Variants in ZNF644 observed in about 807,000 individuals in gnomAD.
The protein encoded by ZNF644 is zinc finger motif enhancer binding protein 2.
Under a neutral mutation model 108.0 loss-of-function variants are expected in ZNF644, and 20 were observed. That is an observed-to-expected ratio of 0.19 (90% CI 0.13 to 0.27). ZNF644 has a LOEUF of 0.27. Ranked by LOEUF, ZNF644 falls within the 10% of genes least tolerant of loss-of-function variation. The pLI, the probability that ZNF644 is intolerant of heterozygous loss-of-function variation, is 1.00. For synonymous variants in ZNF644, 542 were observed against 539.1 expected (o/e 1.01, Z -0.08); for missense variants, 1,338 against 1,548.9 (o/e 0.86, Z 2.29).
At chr1:90,928,376 G>A (rs1456024906) in intron 4 of ZNF644, among the ~76,000 whole-genome samples, 1 of 146,322 alleles carries the variant, frequency 6.8e-6, no homozygotes, top group African/African-American at 2.6e-5. Context: ...GGAATGCAAT[G>A]GCACAATCTC....
intron 2 of ZNF644, among the ~76,000 whole-genome samples, chr1:90,944,655 C>A (rs772731121): frequency 1.1e-4 from 17 of 151,778 alleles, no homozygotes; most frequent in Non-Finnish European, 1.8e-4. Context: ...CAAATCTATA[C>A]TGTCCATTTT....
At chr1:90,936,243 C>T (rs988641223) in intron 4 of ZNF644, among the ~76,000 whole-genome samples, 14 of 152,150 alleles carry the variant, frequency 9.2e-5, no homozygotes, top group Admixed American at 7.9e-4. Flanking sequence ...TCCTCACTCC[C>T]CCAACACATT....
chr1:91,021,769 C>T, intron 1 of ZNF644: 1 of 354,610 alleles, frequency 2.8e-6, no homozygotes, highest in Non-Finnish European at 5.0e-6. Flanking sequence ...GTAGCACCAA[C>T]TCCGCCTCCT....
At chr1:90,998,932 G>C (rs1658467955) in intron 1 of ZNF644, among the ~76,000 whole-genome samples, 1 of 152,142 alleles carries the variant, frequency 6.6e-6, no homozygotes, top group Non-Finnish European at 1.5e-5. Flanking sequence ...CTGATCAACT[G>C]GAAGAAAGGG....
intron 1 of ZNF644, among the ~76,000 whole-genome samples, chr1:91,003,232 G>A (rs1238714413): frequency 6.6e-5 from 10 of 151,968 alleles, no homozygotes; most frequent in African/African-American, 9.7e-5. Flanking sequence ...ACATGCACAC[G>A]TATGTTTATT....
intron 2 of ZNF644, among the ~76,000 whole-genome samples, chr1:90,955,402 A>G (rs894421919): frequency 2.0e-5 from 3 of 152,342 alleles, no homozygotes; most frequent in African/African-American, 7.2e-5. Flanking sequence ...TTCTCTAGCT[A>G]TGAAAGTGCT....
intron 5 of ZNF644, among the ~76,000 whole-genome samples, chr1:90,917,761 G>C (rs868172564): frequency 6.6e-6 from 1 of 152,186 alleles, no homozygotes; most frequent in Non-Finnish European, 1.5e-5. Context: ...GCCACCCAAA[G>C]TGCTGGAATT....
chr1:90,986,854 T>C (rs1486003151), intron 1 of ZNF644, among the ~76,000 whole-genome samples: 1 of 151,640 alleles, frequency 6.6e-6, no homozygotes, highest in Non-Finnish European at 1.5e-5. Flanking sequence ...GAAATGAAAC[T>C]AAACACCAAT....
intron 1 of ZNF644, among the ~76,000 whole-genome samples, chr1:90,997,307 T>C (rs1658242337): frequency 6.6e-6 from 1 of 152,158 alleles, no homozygotes; most frequent in African/African-American, 2.4e-5. Context: ...ACACATAACT[T>C]CAACAAAAAG....
In ZNF644 at chr1:90,937,779, G is replaced by C. The variant is rs764751742; in HGVS notation, c.3394C>G (p.Leu1132Val). 6.2e-7 allele frequency: 1 copy of C among 1,613,838 alleles called. No individual in the cohort carries two copies. Among genetic ancestry groups the C allele is most frequent in the South Asian group, 1.1e-5 (1 of 91,078 alleles). The change falls in exon 4 of 6, where the codon CTA becomes GTA. Residue 1132 changes from leucine to valine, a missense_variant. Around this residue, in one of 6 missense-constraint regions of ZNF644, gnomAD observed 287 missense variants for 310.9 expected, o/e 0.92. Transcript: ENST00000337393. ...VIPLEAYRNG[L>V]KTEALSVSAS... ...GACACTGACAGAGCTTCAGTCTTTA[G>C]GCCATTACGGTATGCTTCAAGAGGT...
chr1:91,021,954 C>G (rs1397332258), intron 1 of ZNF644, 36 bp downstream of exon 1: 5 of 398,704 alleles, frequency 1.3e-5, no homozygotes, highest in Non-Finnish European at 2.2e-5. Flanking sequence ...CCACTCGGGT[C>G]CCAGCGAATC....
chr1:91,007,219 C>CGT (rs1557658445), intron 1 of ZNF644, among the ~76,000 whole-genome samples: 6 of 114,294 alleles, frequency 5.2e-5, no homozygotes, highest in Middle Eastern at 5.3e-3. Flanking sequence ...CATTTTCTCC[C>CGT]ATTTTGTTTT....
intron 2 of ZNF644, among the ~76,000 whole-genome samples, chr1:90,963,953 T>A (rs1038714568): frequency 6.6e-6 from 1 of 152,172 alleles, no homozygotes; most frequent in Non-Finnish European, 1.5e-5. Context: ...CAGAGCACCA[T>A]CTTTTATAGC....
intron 1 of ZNF644, chr1:91,021,215 AAGCTTT>A (rs1416801774): frequency 6.6e-6 from 1 of 152,326 alleles, no homozygotes; most frequent in Non-Finnish European, 1.5e-5. Context: ...GAGAGGCAAA[AAGCTTT>A]AGCTGGACAC....
intron 1 of ZNF644, among the ~76,000 whole-genome samples, chr1:90,983,095 C>G (rs1435192096): frequency 6.6e-6 from 1 of 152,094 alleles, no homozygotes; most frequent in East Asian, 1.9e-4. Flanking sequence ...CTCCTCCTCC[C>G]CATACCTGAA....
At chr1:90,971,204 C>T (rs1655433161) in intron 2 of ZNF644, among the ~76,000 whole-genome samples, 1 of 138,196 alleles carries the variant, frequency 7.2e-6, no homozygotes, top group Admixed American at 7.6e-5. Context: ...AGATTTATTT[C>T]TGGAATCCAA....
chr1:90,963,520 A>T (rs1020974656), intron 2 of ZNF644, among the ~76,000 whole-genome samples: 1 of 152,158 alleles, frequency 6.6e-6, no homozygotes, highest in Non-Finnish European at 1.5e-5. Flanking sequence ...ATGCACCAAG[A>T]AACATGTACA....
At chr1:91,008,106 G>T (rs1401915968) in intron 1 of ZNF644, among the ~76,000 whole-genome samples, 1 of 152,158 alleles carries the variant, frequency 6.6e-6, no homozygotes, top group Non-Finnish European at 1.5e-5. Flanking sequence ...AAAAGAGACT[G>T]GGAATAACTC....
Position 90,925,206 on chromosome 1 carries a change from G to C in ZNF644, c.3689-7052C>G, listed in dbSNP as rs377611230. On this transcript the variant is annotated intron_variant, in intron 4 of 5. Coordinates refer to ENST00000337393, the MANE Select transcript of ZNF644 (RefSeq NM_201269.3). The stretch of plus-strand genomic sequence containing the variant: ...CACTTGACTCTCATGCCCCCCACTG[G>C]GGGGAGGGCAATTGTTTAAACTAGG... Among the ~76,000 whole-genome samples, 235 of 152,268 alleles carry C rather than the reference G, an allele frequency of 1.5e-3. 4 individuals are homozygous for C. The highest frequency in any genetic ancestry group is 0.01 in the Middle Eastern group (3 of 292).
Sources: allele counts gnomAD v4.1 joint callset (sites outside exome capture counted in the v4.1 genomes callset), GRCh38; gene constraint gnomAD v4.1.1; regional missense constraint gnomAD v4.1.1; transcripts MANE v1.5; gene names NCBI Gene and HGNC (gene_info 2026-07-23, HGNC 2026-07-21).